The following SPATC1 variants were observed in gnomAD, a reference collection of about 807,000 sequenced individuals.
SPATC1 encodes spermatogenesis and centriole associated 1.
Under a neutral mutation model 36.5 loss-of-function variants are expected in SPATC1, and 35 were observed. The observed-to-expected ratio is 0.96, with a 90% CI of 0.73 to 1.27. The LOEUF (loss-of-function observed/expected upper bound fraction) is 1.27, where lower values mean the gene tolerates loss of function less well. Among genes scored for constraint, SPATC1 ranks in the 50% most tolerant of loss-of-function variants. SPATC1 has a pLI of 0.00. For missense variants in SPATC1, 779 were observed against 796.0 expected (o/e 0.98, Z 0.26); for synonymous variants, 361 against 353.6 (o/e 1.02, Z -0.24).
At chr8:144,043,523 G>A (rs781882767) in intron 4 of SPATC1, among the ~76,000 whole-genome samples, 2 of 151,766 alleles carry the variant, frequency 1.3e-5, no homozygotes, top group Admixed American at 6.6e-5. Context: ...CTTGTGATCC[G>A]CCTGCCTTGG....
At chr8:144,020,671 C>G (rs948636762) in intron 1 of SPATC1, among the ~76,000 whole-genome samples, 4 of 3,168 alleles carry the variant, frequency 1.3e-3, no homozygotes, top group Non-Finnish European at 2.1e-3. Flanking sequence ...CCCGCCAGGA[C>G]CCTCTCCCCT....
chr8:144,025,216 G>A (rs1485447554), intron 1 of SPATC1, among the ~76,000 whole-genome samples: 7 of 152,076 alleles, frequency 4.6e-5, no homozygotes, highest in African/African-American at 1.4e-4. Flanking sequence ...TCTCCCTTCA[G>A]GACTCTCTTC....
At chr8:144,034,876 C>G (rs1208571681) in intron 1 of SPATC1, among the ~76,000 whole-genome samples, 2 of 152,162 alleles carry the variant, frequency 1.3e-5, no homozygotes, top group African/African-American at 2.4e-5. Context: ...CTGCCTCGGC[C>G]TCCCAAAGTG....
intron 1 of SPATC1, among the ~76,000 whole-genome samples, chr8:144,019,712 G>A (rs1834465581): frequency 6.6e-6 from 1 of 152,042 alleles, no homozygotes; most frequent in Admixed American, 6.5e-5. Context: ...GGTCAGACCT[G>A]GCTCCTCCAC....
In SPATC1 at chr8:144,045,180, G is replaced by T. The variant is rs996183385; in HGVS notation, c.1447-1447G>T. On this transcript the variant is annotated intron_variant, in intron 4 of 4. Coordinates refer to ENST00000377470, the MANE Select transcript of SPATC1 (RefSeq NM_198572.3). The surrounding 1 kb of genome is among the most constrained non-coding windows in gnomAD (Gnocchi z 5.2). ...AGCCGTTGAGCACGGCTGTCCACGG[G>T]CCCTCACTCTTGCGCTGAACCTCAA... 6.6e-6 allele frequency among the ~76,000 whole-genome samples: 1 copy of T among 152,212 alleles called. No individual in the cohort carries two copies. Among genetic ancestry groups the T allele is most frequent in the Non-Finnish European group, 1.5e-5 (1 of 68,036 alleles).
chr8:144,027,920 G>A (rs1834718051), intron 1 of SPATC1, among the ~76,000 whole-genome samples: 1 of 152,052 alleles, frequency 6.6e-6, no homozygotes, highest in Non-Finnish European at 1.5e-5. Context: ...TTGAACCTGG[G>A]AGGCAGAGTT....
At chr8:144,037,598 C>A (rs1554755011) in intron 1 of SPATC1, among the ~76,000 whole-genome samples, 1 of 151,964 alleles carries the variant, frequency 6.6e-6, no homozygotes, top group African/African-American at 2.4e-5. Context: ...TAAACAGATG[C>A]TTGAAGGCAG....
At chr8:144,014,167 C>T (rs1436533055) in intron 1 of SPATC1, among the ~76,000 whole-genome samples, 3 of 151,964 alleles carry the variant, frequency 2.0e-5, no homozygotes, top group Non-Finnish European at 4.4e-5. Flanking sequence ...CAGGAGAATC[C>T]CTTGAACTGG....
chr8:144,039,991 C>G lies in SPATC1; in HGVS notation c.294C>G (p.Ala98=). 6.2e-7 allele frequency: 1 copy of G among 1,613,938 alleles called. No individual in the cohort carries two copies. Among genetic ancestry groups the G allele is most frequent in the Non-Finnish European group, 8.5e-7 (1 of 1,179,986 alleles). ...GGATCATGGCCTTGGCACCCCTGGCCGAGATGCTAACCAGCTTGCAGCCCA... is the reference window on the plus strand; with the variant it reads ...GGATCATGGCCTTGGCACCCCTGGCGGAGATGCTAACCAGCTTGCAGCCCA... ...EVGIMALAPL[A]EMLTSLQPSA... is the part of the protein sequence containing the mutation. Residue 98 remains alanine (A), a synonymous_variant, in exon 2 of 5, where the codon GCC becomes GCG. Coordinates refer to ENST00000377470, the MANE Select transcript of SPATC1 (RefSeq NM_198572.3).
At position 144,012,424 on chromosome 8, in the gene SPATC1, C is replaced by A. The variant is rs576211315; in HGVS notation, c.-92C>A. 9.1e-5 allele frequency: 105 copies of A among 1,150,428 alleles called. 1 individual carries two copies. In the South Asian group the frequency reaches 1.4e-3, roughly 15 times the overall value. The allele number at this position is 1,150,428 out of a possible 1,614,324, so 71.3% of individuals were successfully genotyped here. A position where few individuals can be genotyped will look rare whatever the true frequency, so the allele number is the denominator to read the frequency against. The stretch of plus-strand genomic sequence containing the variant: ...CTGGGCCAGCCTTGCAGACTCTGCA[C>A]CCTCCTTCAGCCCAGGCAAGGCCTG... On this transcript the variant is annotated 5_prime_UTR_variant, in exon 1 of 5. Transcript: ENST00000377470.
At chr8:144,042,510 C>T (rs1384946863) in intron 4 of SPATC1, among the ~76,000 whole-genome samples, 3 of 151,032 alleles carry the variant, frequency 2.0e-5, no homozygotes, top group Middle Eastern at 6.9e-3. Flanking sequence ...TTAGTAGAGA[C>T]GGGGTTTCTC....
At chr8:144,030,351 A>G (rs1418254847) in intron 1 of SPATC1, among the ~76,000 whole-genome samples, 7 of 151,694 alleles carry the variant, frequency 4.6e-5, no homozygotes, top group African/African-American at 1.5e-4. Flanking sequence ...ATTGCTGTGT[A>G]TGTATGTATG....
upstream of SPATC1, among the ~76,000 whole-genome samples, chr8:144,012,108 G>A (rs1554752541): frequency 1.3e-5 from 2 of 152,248 alleles, no homozygotes; most frequent in East Asian, 3.8e-4. Context: ...TGTAAAGCCA[G>A]TGGACAATGT....
In SPATC1 at chr8:144,044,304, ATTTT is replaced by A. The variant is rs72275831; in HGVS notation, c.1447-2311_1447-2308del. 2.8e-5 allele frequency among the ~76,000 whole-genome samples: 4 copies of A among 141,752 alleles called. No homozygotes were observed. In the East Asian group the frequency reaches 8.4e-4, roughly 30 times the overall value. 93.0% of individuals were successfully genotyped at this position (141,752 alleles called of 152,430 possible). On this transcript the variant is annotated intron_variant, in intron 4 of 4. Transcript: ENST00000377470. ...CCTGCCTTCCCTATTCCTTGAAGGA[ATTTT>A]TTTTTTTTTTTGAGATGGAGTCTCG...
At chr8:144,042,359 G>A (rs1250026051) in intron 4 of SPATC1, among the ~76,000 whole-genome samples, 1 of 108,106 alleles carries the variant, frequency 9.3e-6, no homozygotes, top group African/African-American at 3.7e-5. Context: ...TGCTCTTGTC[G>A]CCCAGGCTGG....
In SPATC1 at chr8:144,041,081, C is replaced by T; in HGVS notation, c.1280C>T (p.Thr427Ile). The T allele has an allele frequency of 6.3e-7, 1 of 1,587,376 alleles. No individual in the cohort carries two copies. The highest frequency in any genetic ancestry group is 1.7e-5 in the Admixed American group (1 of 57,502). Residue 427 changes from threonine (T) to isoleucine (I), a missense_variant, in exon 3 of 5, where the codon ACC becomes ATC. Coordinates refer to ENST00000377470, the MANE Select transcript of SPATC1 (RefSeq NM_198572.3). ...EVERKLAHRK[T>I]SKFPENPRES... is the part of the protein sequence containing the mutation. ...GAACGGAAGCTGGCCCACCGCAAGA[C>T]CAGCAAGTTCCCCGAGAACCCCCGA...
intron 4 of SPATC1, among the ~76,000 whole-genome samples, chr8:144,043,914 G>A (rs1554756421): frequency 6.6e-6 from 1 of 152,118 alleles, no homozygotes; most frequent in East Asian, 1.9e-4. Context: ...CTTGGAGGAC[G>A]GTGTGGACAC....
At chr8:144,042,312 T>TATATATATATATATA (rs1491347915) in intron 4 of SPATC1, among the ~76,000 whole-genome samples, 7 of 35,084 alleles carry the variant, frequency 2.0e-4, no homozygotes, top group African/African-American at 1.3e-3. Context: ...TATATATATA[T>TATATATATATATATA]TTTTTTTTTT....
In SPATC1 at chr8:144,046,638, C is replaced by T. The variant is rs782523532; in HGVS notation, c.1458C>T (p.Asn486=). Reference sequence around the variant, plus strand: ...CGCTGTCCCCACAGGCTTCCCTGAACCCCAGTGACCACAAGCTGGATGAGA... The same window carrying T: ...CGCTGTCCCCACAGGCTTCCCTGAATCCCAGTGACCACAAGCTGGATGAGA... ...IPEKIIQASL[N]PSDHKLDEKL... Residue 486 remains asparagine (N), a synonymous_variant, in exon 5 of 5, where the codon AAC becomes AAT. Coordinates refer to ENST00000377470, the MANE Select transcript of SPATC1 (RefSeq NM_198572.3). This position sits in a 1 kb window ranked among gnomAD's most constrained non-coding sequence, Gnocchi z 6.6. The T allele has an allele frequency of 8.1e-6, 13 of 1,608,512 alleles. No homozygotes were observed. Among genetic ancestry groups the T allele is most frequent in the Non-Finnish European group, 1.1e-5 (13 of 1,178,658 alleles).
Sources: gnomAD v4.1 joint callset for allele counts (sites outside exome capture counted in the v4.1 genomes callset) on GRCh38, gnomAD v4.1.1 for gene constraint, Gnocchi (gnomAD v3.1) non-coding constraint, MANE v1.5 for transcripts, NCBI Gene and HGNC (gene_info 2026-07-23, HGNC 2026-07-21) for gene names.